The following MTMR6 variants were observed in gnomAD, a reference collection of about 807,000 sequenced individuals.
MTMR6 encodes the protein myotubularin related protein 6.
A neutral mutation model predicts 80.1 loss-of-function variants in MTMR6; 47 were observed. The observed-to-expected ratio is 0.59, with a 90% CI of 0.46 to 0.75. The LOEUF (loss-of-function observed/expected upper bound fraction) is 0.75. Among genes scored for constraint, MTMR6 ranks in the 30% least tolerant of loss-of-function variants. The pLI, the probability that MTMR6 is intolerant of heterozygous loss-of-function variation, is 0.00. For missense variants in MTMR6, 629 were observed against 730.9 expected (o/e 0.86, Z 1.61); for synonymous variants, 254 against 253.0 (o/e 1.00, Z -0.04).
intron 11 of MTMR6, among the ~76,000 whole-genome samples, chr13:25,252,523 T>TA (rs1170584565): frequency 6.6e-6 from 1 of 152,236 alleles, no homozygotes; most frequent in Non-Finnish European, 1.5e-5. Flanking sequence ...AGAATGGTTT[T>TA]AGACTGGACA....
In MTMR6 at chr13:25,248,136, T is replaced by C. The variant is rs1186502572; in HGVS notation, c.*1096A>G. On this transcript the variant is annotated 3_prime_UTR_variant, in exon 14 of 14. Coordinates refer to ENST00000381801, the MANE Select transcript of MTMR6 (RefSeq NM_004685.5). ...CTATATTTAACAAGAAGAAAAATAA[T>C]GCTCCACATAGAAATGACTTCAAAA... The C allele has an allele frequency of 1.3e-5, 2 of 152,078 alleles. No homozygotes were observed. The highest frequency in any genetic ancestry group is 4.8e-5 in the African/African-American group (2 of 41,428). 9.4% of individuals were successfully genotyped at this position (152,078 alleles called of 1,614,324 possible).
intron 3 of MTMR6, 99 bp from the exon 4 acceptor site, chr13:25,266,385 T>TGAAGATTGTAAAGAGA: frequency 9.4e-7 from 1 of 1,059,468 alleles, no homozygotes; most frequent in Non-Finnish European, 1.3e-6. Context: ...TTTTTCTCTT[T>TGAAGATTGTAAAGAGA]ACAATCTTCA....
chr13:25,253,747 T>C lies in MTMR6; in HGVS notation c.1346+17A>G. ...AAGTAGGGGGAAAAGGAGACTCTTT[T>C]AATTGAATCATCTTACTTGAGCTCT... On this transcript the variant is annotated intron_variant, in intron 11 of 13. Transcript: ENST00000381801. The C allele has an allele frequency of 6.2e-7, 1 of 1,608,978 alleles. No homozygotes were observed. The highest frequency in any genetic ancestry group is 8.5e-7 in the Non-Finnish European group (1 of 1,176,298).
intron 6 of MTMR6, among the ~76,000 whole-genome samples, chr13:25,260,409 C>T (rs1957307429): frequency 6.6e-6 from 1 of 152,160 alleles, no homozygotes; most frequent in Non-Finnish European, 1.5e-5. Flanking sequence ...CTCAGGTGAT[C>T]CACCCGCCGT....
intron 2 of MTMR6, among the ~76,000 whole-genome samples, chr13:25,268,424 T>C (rs1220160854): frequency 6.6e-6 from 1 of 152,216 alleles, no homozygotes; most frequent in East Asian, 1.9e-4. Context: ...TATGTTCTAG[T>C]GACAACAGCC....
rs1957003048 is a variant in MTMR6, at chr13:25,247,491, A to G, written c.*1741T>C. 6.6e-6 allele frequency: 1 copy of G among 152,516 alleles called. No homozygotes were observed. Among genetic ancestry groups the G allele is most frequent in the Non-Finnish European group, 1.5e-5 (1 of 68,028 alleles). The allele number at this position is 152,516 out of a possible 1,614,324, so 9.4% of individuals were successfully genotyped here. ...TATGTCTGAAGTTGAAGATTAAGAT[A>G]ATAAACCAGAGTTGAATACAAGAAG... On this transcript the variant is annotated 3_prime_UTR_variant, in exon 14 of 14. Transcript: ENST00000381801.
At chr13:25,285,882 A>T (rs1957946183) in intron 1 of MTMR6, among the ~76,000 whole-genome samples, 1 of 152,144 alleles carries the variant, frequency 6.6e-6, no homozygotes, top group African/African-American at 2.4e-5. Flanking sequence ...AGCATATGAA[A>T]AATAGAGGAG....
intron 4 of MTMR6, 66 bp downstream of exon 4, chr13:25,266,063 C>T (rs978657592): frequency 2.5e-6 from 4 of 1,593,026 alleles, no homozygotes; most frequent in African/African-American, 2.7e-5. Flanking sequence ...CAACTTGCTA[C>T]GCTGACACTC....
intron 9 of MTMR6, 71 bp from the exon 10 acceptor site, chr13:25,254,505 AT>A (rs1351896339): frequency 9.6e-7 from 1 of 1,043,882 alleles, no homozygotes; most frequent in Admixed American, 2.1e-5. Context: ...ATTAAATCTT[AT>A]TAGTTTAAAA....
chr13:25,250,281 A>G (rs950710180), intron 13 of MTMR6, among the ~76,000 whole-genome samples: 3 of 152,208 alleles, frequency 2.0e-5, no homozygotes, highest in Non-Finnish European at 2.9e-5. Context: ...TAGGGTAGAG[A>G]GGGATTTGTT....
intron 1 of MTMR6, among the ~76,000 whole-genome samples, chr13:25,274,961 T>TACACACACACACACACACAC (rs71077456): frequency 0.037 from 3,935 of 104,974 alleles, 652 homozygotes; most frequent in Non-Finnish European, 0.051. Context: ...CACACACACA[T>TACACACACACACACACACAC]ACACACACAC....
At position 25,257,403 on chromosome 13, in the gene MTMR6, T is replaced by C. The variant is rs1339706582; in HGVS notation, c.970-82A>G. On this transcript the variant is annotated intron_variant, in intron 8 of 13. Transcript: ENST00000381801. ...ACTTGAAAATCATACTAGCAGGTAT[T>C]GTGTTACAAGGAAGTGCTATGCCTG... The C allele has an allele frequency of 3.3e-6, 5 of 1,517,364 alleles. No individual in the cohort carries two copies. The African/African-American group carries it at 6.9e-5, about 21-fold the overall frequency. The allele number at this position is 1,517,364 out of a possible 1,614,324, so 94.0% of individuals were successfully genotyped here. A position where few individuals can be genotyped will look rare whatever the true frequency, so the allele number is the denominator to read the frequency against.
At chr13:25,280,814 TG>T (rs1420345504) in intron 1 of MTMR6, among the ~76,000 whole-genome samples, 1 of 152,098 alleles carries the variant, frequency 6.6e-6, no homozygotes, top group Non-Finnish European at 1.5e-5. Context: ...AACGAAAATG[TG>T]GCAAGGAGAA....
chr13:25,253,525 C>T (rs1957131268), intron 11 of MTMR6, among the ~76,000 whole-genome samples: 1 of 152,146 alleles, frequency 6.6e-6, no homozygotes, highest in Non-Finnish European at 1.5e-5. Flanking sequence ...ACACTTAACG[C>T]TCTATGTACT....
At chr13:25,253,688 A>G (rs2137524549) in intron 11 of MTMR6, 76 bp downstream of exon 11, 1 of 1,228,746 alleles carries the variant, frequency 8.1e-7, no homozygotes, top group East Asian at 2.4e-5. Context: ...ATATTTTATT[A>G]AGTTTCAAAC....
chr13:25,262,810 A>G lies in MTMR6; in HGVS notation c.592-1008T>C, dbSNP rs117054203. On this transcript the variant is annotated intron_variant, in intron 5 of 13. Transcript: ENST00000381801. ...TAAAACCACGAAAATATGATAAAAC[A>G]GTAGAAAATGAACATTGCCTTATTA... Among the ~76,000 whole-genome samples the G allele has an allele frequency of 4.9e-3, 751 of 152,394 alleles. 33 individuals carry two copies. The East Asian group carries it at 0.093, about 19-fold the overall frequency.
chr13:25,265,140 G>A (rs557706783), intron 5 of MTMR6, among the ~76,000 whole-genome samples: 1 of 152,190 alleles, frequency 6.6e-6, no homozygotes, highest in East Asian at 1.9e-4. Context: ...TTTGATTTGA[G>A]CTTACTATTA....
At chr13:25,274,230 T>A in intron 1 of MTMR6, 43 bp from the exon 2 acceptor site, 2 of 1,356,824 alleles carry the variant, frequency 1.5e-6, no homozygotes, top group South Asian at 2.5e-5. Context: ...AAAAGTAGTA[T>A]AAATTATTTT....
intron 8 of MTMR6, among the ~76,000 whole-genome samples, 194 bp from the exon 9 acceptor site, chr13:25,257,515 A>G (rs1465788822): frequency 6.6e-6 from 1 of 151,972 alleles, no homozygotes; most frequent in East Asian, 1.9e-4. Flanking sequence ...AAAAAAAAAC[A>G]AAGAAAAAAT....
Sources: allele counts gnomAD v4.1 joint callset (sites outside exome capture counted in the v4.1 genomes callset), GRCh38; gene constraint gnomAD v4.1.1; transcripts MANE v1.5; gene names NCBI Gene and HGNC (gene_info 2026-07-23, HGNC 2026-07-21).